FHIT: variants seen among roughly 807,000 people sequenced by gnomAD.
FHIT encodes the protein bis(5'-adenosyl)-triphosphatase.
In FHIT, 19 loss-of-function variants were observed where a neutral mutation model predicts 17.9. The observed-to-expected ratio is 1.06, with a 90% CI of 0.74 to 1.56. The LOEUF is 1.56. FHIT is among the 40% of genes most tolerant of loss of function. The pLI is 0.00. For synonymous variants in FHIT, 81 were observed against 69.7 expected (o/e 1.16, Z -0.81); for missense variants, 248 against 189.2 (o/e 1.31, Z -1.82).
intron 5 of FHIT, among the ~76,000 whole-genome samples, chr3:60,068,141 C>A (rs578081192): frequency 3.9e-5 from 6 of 152,220 alleles, no homozygotes; most frequent in South Asian, 2.1e-4. Context: ...GAGGCTGAGG[C>A]AGGAGAATTC....
chr3:59,859,547 G>A (rs1018279473), intron 8 of FHIT, among the ~76,000 whole-genome samples: 10 of 152,054 alleles, frequency 6.6e-5, no homozygotes, highest in African/African-American at 1.7e-4. Flanking sequence ...GTGAAACTCC[G>A]TCTCTACTAA....
intron 3 of FHIT, among the ~76,000 whole-genome samples, chr3:60,880,959 T>C (rs1489345985): frequency 6.6e-6 from 1 of 152,144 alleles, no homozygotes; most frequent in Non-Finnish European, 1.5e-5. Flanking sequence ...GTTAACAGAA[T>C]AAATTCCCCA....
At chr3:60,146,566 T>C (rs918135712) in intron 5 of FHIT, among the ~76,000 whole-genome samples, 1 of 152,096 alleles carries the variant, frequency 6.6e-6, no homozygotes, top group Admixed American at 6.6e-5. Context: ...AAACTAAACA[T>C]TACCACAGAG....
chr3:61,058,996 T>C (rs564847803), intron 2 of FHIT, among the ~76,000 whole-genome samples: 2 of 152,328 alleles, frequency 1.3e-5, no homozygotes, highest in African/African-American at 2.4e-5. Context: ...CCTTCCTCTG[T>C]GTCCAGTAAA....
intron 5 of FHIT, among the ~76,000 whole-genome samples, chr3:60,458,935 C>T (rs2032287973): frequency 6.9e-6 from 1 of 144,428 alleles, no homozygotes; most frequent in African/African-American, 2.7e-5. Flanking sequence ...ACCACCACAC[C>T]TGGCTAATTT....
At position 60,026,254 on chromosome 3, in the gene FHIT, G is replaced by GT. The variant is rs574944569; in HGVS notation, c.104-12103dup. On this transcript the variant is annotated intron_variant, in intron 5 of 9. Transcript: ENST00000492590. The stretch of plus-strand genomic sequence containing the variant: ...CCTACTTCATTGGGATGTTAAAAGT[G>GT]TTTTTTCAAAATAATAGCATATTTC... Among the ~76,000 whole-genome samples the GT allele has an allele frequency of 5.9e-5, 9 of 151,574 alleles. No homozygotes were observed. The South Asian group carries it at 1.5e-3, about 25-fold the overall frequency.
intron 7 of FHIT, among the ~76,000 whole-genome samples, chr3:59,982,215 T>C (rs932568949): frequency 1.3e-5 from 2 of 152,144 alleles, no homozygotes; most frequent in Non-Finnish European, 2.9e-5. Flanking sequence ...ATGAATCCTA[T>C]TTGAATATTT....
chr3:60,104,201 T>C (rs1704310260), intron 5 of FHIT, among the ~76,000 whole-genome samples: 1 of 152,202 alleles, frequency 6.6e-6, no homozygotes, highest in African/African-American at 2.4e-5. Flanking sequence ...ACTTTTCCTT[T>C]AGTTGTTACC....
intron 4 of FHIT, among the ~76,000 whole-genome samples, chr3:60,784,378 C>G (rs369702429): frequency 2.0e-5 from 3 of 150,926 alleles, no homozygotes; most frequent in African/African-American, 7.3e-5. Flanking sequence ...ACTCTGTCAC[C>G]CAGGCTGGGG....
At chr3:60,271,442 G>A (rs1313883108) in intron 5 of FHIT, among the ~76,000 whole-genome samples, 4 of 152,082 alleles carry the variant, frequency 2.6e-5, no homozygotes, top group African/African-American at 9.7e-5. Context: ...CATTAGCATA[G>A]ACAAAGAGAA....
chr3:60,908,407 A>T (rs782085271), intron 3 of FHIT, among the ~76,000 whole-genome samples: 1 of 152,208 alleles, frequency 6.6e-6, no homozygotes, highest in Non-Finnish European at 1.5e-5. Flanking sequence ...TTTCCTCAGT[A>T]GGTAGCCCCA....
chr3:61,213,825 T>G (rs2039575530), intron 1 of FHIT, among the ~76,000 whole-genome samples: 1 of 152,234 alleles, frequency 6.6e-6, no homozygotes, highest in South Asian at 2.1e-4. Context: ...CACAGTGCAA[T>G]CAAACTAGAA....
chr3:60,962,724 G>C (rs1709522686), intron 3 of FHIT, among the ~76,000 whole-genome samples: 1 of 152,164 alleles, frequency 6.6e-6, no homozygotes. Context: ...TTATATGATG[G>C]ATTATGTTTA....
chr3:60,754,118 G>C lies in FHIT; in HGVS notation c.-18+67801C>G, dbSNP rs562184575. On this transcript the variant is annotated intron_variant, in intron 4 of 9. Coordinates refer to ENST00000492590, the MANE Select transcript of FHIT (RefSeq NM_002012.4). ...CCAAGGAAACATCAAGCTATACAAG[G>C]GATCTGGCCTTACCAGGATAAGAAA... Among the ~76,000 whole-genome samples, 7 of 152,196 alleles carry C rather than the reference G, an allele frequency of 4.6e-5. No homozygotes were observed. The East Asian group carries it at 1.2e-3, about 25-fold the overall frequency.
chr3:61,050,971 C>T (rs1177324221), intron 2 of FHIT, among the ~76,000 whole-genome samples: 1 of 152,134 alleles, frequency 6.6e-6, no homozygotes, highest in East Asian at 1.9e-4. Flanking sequence ...CCATAGACAC[C>T]TATTTTGTGA....
At chr3:60,217,004 G>C (rs1336494818) in intron 5 of FHIT, among the ~76,000 whole-genome samples, 1 of 152,126 alleles carries the variant, frequency 6.6e-6, no homozygotes. Context: ...ATGAGCAAAA[G>C]GAGGAGAAGT....
rs4022385 is a variant in FHIT, at chr3:60,324,573, G to GAAAAAAA, written c.103+212280_103+212286dup. On this transcript the variant is annotated intron_variant, in intron 5 of 9. Coordinates refer to ENST00000492590, the MANE Select transcript of FHIT (RefSeq NM_002012.4). ...TGGGTGACAGAGCGAGACTCCATCA[G>GAAAAAAA]AAAAAAAAAAAAAAGAATTCCAGTT... is the stretch of plus-strand genomic sequence containing the variant. 7.0e-5 allele frequency among the ~76,000 whole-genome samples: 9 copies of GAAAAAAA among 128,824 alleles called. 1 individual carries two copies. The highest frequency in any genetic ancestry group is 9.6e-5 in the Non-Finnish European group (6 of 62,576). 84.5% of individuals were successfully genotyped at this position (128,824 alleles called of 152,430 possible). A position where few individuals can be genotyped will look rare whatever the true frequency, so the allele number is the denominator to read the frequency against.
At position 59,847,953 on chromosome 3, in the gene FHIT, G is replaced by A. The variant is rs976251107; in HGVS notation, c.348+74393C>T. Among the ~76,000 whole-genome samples the A allele has an allele frequency of 5.3e-5, 8 of 152,188 alleles. No homozygotes were observed. The East Asian group carries it at 5.8e-4, about 11-fold the overall frequency. Reference sequence around the variant, plus strand: ...GGAAAGAAGAAAAATTAAGGGAAGCGAAAAAAGGCATCAGCCCTTTAAATT... The same window carrying A: ...GGAAAGAAGAAAAATTAAGGGAAGCAAAAAAAGGCATCAGCCCTTTAAATT... On this transcript the variant is annotated intron_variant, in intron 8 of 9. Coordinates refer to ENST00000492590, the MANE Select transcript of FHIT (RefSeq NM_002012.4).
intron 4 of FHIT, among the ~76,000 whole-genome samples, chr3:60,580,083 T>C (rs1321686433): frequency 6.6e-6 from 1 of 152,122 alleles, no homozygotes; most frequent in African/African-American, 2.4e-5. Flanking sequence ...TAAAATTCCT[T>C]CTCCCTTCCC....
Sources: gnomAD v4.1 joint callset for allele counts (sites outside exome capture counted in the v4.1 genomes callset) on GRCh38, gnomAD v4.1.1 for gene constraint, MANE v1.5 for transcripts, NCBI Gene and HGNC (gene_info 2026-07-23, HGNC 2026-07-21) for gene names.